Variants in CCDC40 observed in about 807,000 individuals in gnomAD.
The protein encoded by CCDC40 is coiled-coil domain 40 molecular ruler complex subunit.
Under a neutral mutation model 124.5 loss-of-function variants are expected in CCDC40, and 104 were observed. The observed-to-expected ratio is 0.84, with a 90% CI of 0.71 to 0.98. CCDC40 has a LOEUF of 0.98. Ranked by LOEUF, CCDC40 falls within the 50% of genes least tolerant of loss-of-function variation. The probability of loss-of-function intolerance (pLI) is 0.00; values close to 1 mark genes in which losing one functional copy is unlikely to be tolerated. For missense variants in CCDC40, 1,463 were observed against 1,503.9 expected, an observed-to-expected ratio of 0.97 and a Z score of 0.45; for synonymous variants, 580 against 602.9, an observed-to-expected ratio of 0.96 and a Z score of 0.56.
At position 80,081,982 on chromosome 17, in the gene CCDC40, A is replaced by G. The variant is rs760407697; in HGVS notation, c.1913A>G (p.Glu638Gly). 2 of 1,613,876 alleles carry G rather than the reference A, an allele frequency of 1.2e-6. No homozygotes were observed. Among genetic ancestry groups the G allele is most frequent in the South Asian group, 1.1e-5 (1 of 91,078 alleles). Residue 638 changes from glutamate (E) to glycine (G), a missense_variant, in exon 12 of 20, where the codon GAG (glutamate) becomes GGG (glycine). Coordinates refer to ENST00000397545, the MANE Select transcript of CCDC40 (RefSeq NM_017950.4). ...TDAAIREKLQ[E>G]HMTSNKTTKY... ...GCTGCCATCCGGGAGAAGCTGCAGG[A>G]GCACATGACCTCCAACAAGACCACC...
At chr17:80,073,652 C>T (rs184860373) in intron 10 of CCDC40, among the ~76,000 whole-genome samples, 2 of 152,010 alleles carry the variant, frequency 1.3e-5, no homozygotes, top group Admixed American at 1.3e-4. Context: ...CTACAATGGC[C>T]ACTAAGTGCT....
intron 2 of CCDC40, among the ~76,000 whole-genome samples, chr17:80,039,164 C>T (rs2143573849): frequency 6.6e-6 from 1 of 152,114 alleles, no homozygotes; most frequent in East Asian, 2.0e-4. Flanking sequence ...GCCAGGAATT[C>T]AAGACCAGCC....
intron 16 of CCDC40, among the ~76,000 whole-genome samples, chr17:80,089,145 A>G (rs2038648665): frequency 1.3e-5 from 2 of 152,150 alleles, no homozygotes; most frequent in Admixed American, 6.6e-5. Flanking sequence ...TTTTTACACA[A>G]ATGGGATTGT....
intron 10 of CCDC40, chr17:80,067,777 C>T: frequency 6.8e-7 from 1 of 1,467,480 alleles, no homozygotes; most frequent in Non-Finnish European, 9.0e-7. Flanking sequence ...TTGTGACAGT[C>T]ACGCCCCCGG....
At chr17:80,040,324 G>A (rs777081369) in intron 3 of CCDC40, 54 bp downstream of exon 3, 9 of 1,501,446 alleles carry the variant, frequency 6.0e-6, no homozygotes, top group Non-Finnish European at 8.2e-6. Flanking sequence ...CACGGGGTTT[G>A]TCACCCTATG....
Position 80,087,530 on chromosome 17 carries a change from T to A in CCDC40, c.2450-77T>A. On this transcript the variant is annotated intron_variant, in intron 14 of 19. Coordinates refer to ENST00000397545, the MANE Select transcript of CCDC40 (RefSeq NM_017950.4). The surrounding 1 kb of genome is among the most constrained non-coding windows in gnomAD (Gnocchi z 4.5). ...AGGGAGAGACAAAACCTGGCTCACC[T>A]CTCGGACACTGCTGCCTGCGGGCGA... 1 of 1,207,064 alleles carries A rather than the reference T, an allele frequency of 8.3e-7. No homozygotes were observed. Among genetic ancestry groups the A allele is most frequent in the African/African-American group, 1.5e-5 (1 of 66,974 alleles). The allele number at this position is 1,207,064 out of a possible 1,614,324, so 74.8% of individuals were successfully genotyped here.
chr17:80,036,643 G>C lies in CCDC40; in HGVS notation c.-20G>C, dbSNP rs2037063147. 1 of 1,456,004 alleles carries C rather than the reference G, an allele frequency of 6.9e-7. No homozygotes were observed. Among genetic ancestry groups the C allele is most frequent in the Non-Finnish European group, 9.0e-7 (1 of 1,107,896 alleles). The allele number at this position is 1,456,004 out of a possible 1,614,324, so 90.2% of individuals were successfully genotyped here. On this transcript the variant is annotated 5_prime_UTR_variant, in exon 1 of 20. Transcript: ENST00000397545. Reference sequence around the variant, plus strand: ...GTCCCGGCCCGGCCGGATGTTGACAGCGTCGCCTAGCAACGGGAAATGGCG... The same window carrying C: ...GTCCCGGCCCGGCCGGATGTTGACACCGTCGCCTAGCAACGGGAAATGGCG...
chr17:80,061,288 G>C (rs1351549447), intron 9 of CCDC40, among the ~76,000 whole-genome samples: 2 of 152,244 alleles, frequency 1.3e-5, no homozygotes, highest in Non-Finnish European at 2.9e-5. Context: ...AGAAGTTGCA[G>C]TGAGCCGAGA....
At chr17:80,096,709 C>T (rs1194843095) in intron 18 of CCDC40, among the ~76,000 whole-genome samples, 2 of 152,246 alleles carry the variant, frequency 1.3e-5, no homozygotes, top group Admixed American at 1.3e-4. Context: ...TCCGTGTCCC[C>T]AGCCAGCCCT....
intron 13 of CCDC40, among the ~76,000 whole-genome samples, chr17:80,085,536 G>C (rs1039520179): frequency 6.6e-6 from 1 of 152,162 alleles, no homozygotes; most frequent in Non-Finnish European, 1.5e-5. Context: ...CTCCAGCGGG[G>C]TCTGTGGCTT....
At position 80,039,892 on chromosome 17, in the gene CCDC40, C is replaced by A. The variant is rs1206948472; in HGVS notation, c.174C>A (p.Thr58=). ...GSTEHPEEVT[T]QAEAAIEEGE... ...CAGAGCATCCTGAGGAAGTCACAAC[C>A]CAAGCGGAAGCTGCAATTGAAGAGG... is the stretch of plus-strand genomic sequence containing the variant. Residue 58 remains threonine (T), a synonymous_variant, in exon 3 of 20, where the codon ACC becomes ACA. Coordinates refer to ENST00000397545, the MANE Select transcript of CCDC40 (RefSeq NM_017950.4). 5 of 1,613,690 alleles carry A rather than the reference C, an allele frequency of 3.1e-6. No individual in the cohort carries two copies. Among genetic ancestry groups the A allele is most frequent in the Non-Finnish European group, 4.2e-6 (5 of 1,179,894 alleles).
At chr17:80,074,041 T>C (rs2038255188) in intron 10 of CCDC40, among the ~76,000 whole-genome samples, 1 of 152,182 alleles carries the variant, frequency 6.6e-6, no homozygotes, top group African/African-American at 2.4e-5. Flanking sequence ...GGAAGGCATG[T>C]CAAAAGCTGA....
chr17:80,098,891 G>A (rs1269949479), intron 19 of CCDC40: 1 of 151,336 alleles, frequency 6.6e-6, no homozygotes, highest in Admixed American at 6.6e-5. Flanking sequence ...TGAGGCAGGT[G>A]AATCGCTTGA....
Position 80,039,899 on chromosome 17 carries a change from G to A in CCDC40, c.181G>A (p.Glu61Lys), listed in dbSNP as rs1192779088. 6.2e-7 allele frequency: 1 copy of A among 1,613,856 alleles called. No individual in the cohort carries two copies. The highest frequency in any genetic ancestry group is 1.7e-5 in the Admixed American group (1 of 59,984). Residue 61 changes from glutamate to lysine, a missense_variant, in exon 3 of 20, where the codon GAA becomes AAA. Transcript: ENST00000397545. ...TCCTGAGGAAGTCACAACCCAAGCGGAAGCTGCAATTGAAGAGGGGGAGGT... is the reference window on the plus strand; with the variant it reads ...TCCTGAGGAAGTCACAACCCAAGCGAAAGCTGCAATTGAAGAGGGGGAGGT... ...EHPEEVTTQA[E>K]AAIEEGEVET...
intron 7 of CCDC40, among the ~76,000 whole-genome samples, chr17:80,052,945 CAAAT>C (rs1232759950): frequency 6.6e-6 from 1 of 152,126 alleles, no homozygotes; most frequent in African/African-American, 2.4e-5. Flanking sequence ...ACTAACTAGA[CAAAT>C]GAATGCAGTT....
rs748834677 is a variant in CCDC40, at chr17:80,058,977, T to C, written c.1437T>C (p.Ser479=). The change falls in exon 9 of 20, where the codon AGT becomes AGC. Residue 479 remains serine, a synonymous_variant. Transcript: ENST00000397545. The surrounding 1 kb of genome is among the most constrained non-coding windows in gnomAD (Gnocchi z 4.2). ...EDTRILRKAV[S]EACTEIDAIS... is the part of the protein sequence containing the mutation. ...CCCGGATTTTAAGGAAAGCAGTGAGTGAGGTAAAAGCAGTCCCCGCAGCTC... is the reference window on the plus strand; with the variant it reads ...CCCGGATTTTAAGGAAAGCAGTGAGCGAGGTAAAAGCAGTCCCCGCAGCTC... 2 of 1,613,794 alleles carry C rather than the reference T, an allele frequency of 1.2e-6. No homozygotes were observed. Among genetic ancestry groups the C allele is most frequent in the East Asian group, 2.2e-5 (1 of 44,872 alleles).
intron 12 of CCDC40, among the ~76,000 whole-genome samples, chr17:80,083,517 C>T (rs74000388): frequency 0.017 from 2,537 of 152,250 alleles, 68 homozygotes; most frequent in African/African-American, 0.058. Flanking sequence ...TGGCAGGAGC[C>T]GACGGGCAGG....
In CCDC40 at chr17:80,081,786, G is replaced by C; in HGVS notation, c.1803G>C (p.Gln601His). Residue 601 changes from glutamine (Q) to histidine (H), a missense_variant, in exon 11 of 20, where the codon CAG (glutamine) becomes CAC (histidine). Physicochemically the swap from Gln to His is conservative, Grantham distance 24. Coordinates refer to ENST00000397545, the MANE Select transcript of CCDC40 (RefSeq NM_017950.4). ...CAGAGGATGCCCTCAGCCAGGACCAGCTGGTGAGGCCGGGCCCGCCCCACA... is the reference window on the plus strand; with the variant it reads ...CAGAGGATGCCCTCAGCCAGGACCACCTGGTGAGGCCGGGCCCGCCCCACA... ...QDTEDALSQD[Q>H]LEQMILTEEL... is the part of the protein sequence containing the mutation. The C allele has an allele frequency of 1.9e-6, 3 of 1,613,988 alleles. No individual in the cohort carries two copies. In the South Asian group the frequency reaches 3.3e-5, roughly 18 times the overall value.
At chr17:80,044,938 T>C (rs2037383973) in intron 3 of CCDC40, among the ~76,000 whole-genome samples, 1 of 152,016 alleles carries the variant, frequency 6.6e-6, no homozygotes, top group African/African-American at 2.4e-5. Flanking sequence ...CTCTCAGTCT[T>C]TGGGACAGTG....
Sources: gnomAD v4.1 joint callset for allele counts (sites outside exome capture counted in the v4.1 genomes callset) on GRCh38, gnomAD v4.1.1 for gene constraint, Gnocchi (gnomAD v3.1) non-coding constraint, MANE v1.5 for transcripts, NCBI Gene and HGNC (gene_info 2026-07-23, HGNC 2026-07-21) for gene names.